The following PTPN11 variants were observed in gnomAD, a reference collection of about 807,000 sequenced individuals.
The protein encoded by PTPN11 is protein tyrosine phosphatase non-receptor type 11.
PTPN11 carries 6 observed loss-of-function variants against 78.8 expected under a neutral mutation model. The observed-to-expected ratio is 0.08, with a 90% confidence interval of 0.04 to 0.15. The LOEUF (loss-of-function observed/expected upper bound fraction) is 0.15. Among genes scored for constraint, PTPN11 ranks in the 10% least tolerant of loss-of-function variants. The pLI, the probability that PTPN11 is intolerant of heterozygous loss-of-function variation, is 1.00. For synonymous variants in PTPN11, 221 were observed against 263.5 expected, an observed-to-expected ratio of 0.84 and a Z score of 1.56; for missense variants, 386 against 744.8, an observed-to-expected ratio of 0.52 and a Z score of 5.61.
intron 13 of PTPN11, among the ~76,000 whole-genome samples, chr12:112,489,433 G>A (rs1487941875): frequency 6.6e-6 from 1 of 152,236 alleles, no homozygotes; most frequent in African/African-American, 2.4e-5. Flanking sequence ...CTGCCATGCA[G>A]AAAGGTTCTG....
Position 112,446,388 on chromosome 12 carries a change from C to G in PTPN11, c.127C>G (p.Leu43Val), listed in dbSNP as rs1566164987. The change falls in exon 2 of 16, where the codon CTT becomes GTT. Residue 43 changes from leucine to valine, a missense_variant. This residue lies in a region of PTPN11 where 279 missense variants were observed against 503.3 expected (regional missense o/e 0.55). Coordinates refer to ENST00000351677, the MANE Select transcript of PTPN11 (RefSeq NM_002834.5). ...TAAAAGTAACCCTGGAGACTTCACA[C>G]TTTCCGTTAGGTAAGTTGGAATGAA... is the stretch of plus-strand genomic sequence containing the variant. ...PSKSNPGDFT[L>V]SVRRNGAVTH... 1.9e-6 allele frequency: 3 copies of G among 1,614,122 alleles called. No homozygotes were observed. The highest frequency in any genetic ancestry group is 2.7e-5 in the African/African-American group (2 of 75,044).
chr12:112,492,444 G>T (rs1257124793), intron 13 of PTPN11, among the ~76,000 whole-genome samples: 1 of 151,798 alleles, frequency 6.6e-6, no homozygotes, highest in African/African-American at 2.4e-5. Context: ...TGTCCATAAA[G>T]TTATTATTTT....
rs1024227490 is a variant in PTPN11, at chr12:112,502,213, C to A, written c.1669C>A (p.Gln557Lys). ...YSLADQTSGD[Q>K]SPLPPCTPTP... ...TCTAGCGGACCAGACGAGTGGAGAT[C>A]AGAGCCCTCTCCCGCCTTGTACTCC... The change falls in exon 14 of 16, where the codon CAG becomes AAG. Residue 557 changes from glutamine to lysine, a missense_variant. Gln to Lys is a moderately conservative substitution (Grantham distance 53). Around this residue, in one of 3 missense-constraint regions of PTPN11, gnomAD observed 44 missense variants for 59.3 expected, o/e 0.74. Coordinates refer to ENST00000351677, the MANE Select transcript of PTPN11 (RefSeq NM_002834.5). 3.7e-6 allele frequency: 6 copies of A among 1,613,888 alleles called. No homozygotes were observed. The highest frequency in any genetic ancestry group is 4.2e-6 in the Non-Finnish European group (5 of 1,179,822).
intron 13 of PTPN11, among the ~76,000 whole-genome samples, chr12:112,490,138 T>C (rs944760134): frequency 2.6e-5 from 4 of 152,196 alleles, no homozygotes; most frequent in African/African-American, 9.7e-5. Flanking sequence ...TTGTATTAAC[T>C]GATATGAAAT....
At chr12:112,464,536 C>A (rs1185590169) in intron 6 of PTPN11, among the ~76,000 whole-genome samples, 1 of 151,978 alleles carries the variant, frequency 6.6e-6, no homozygotes, top group Non-Finnish European at 1.5e-5. Context: ...GGTTCTTGTG[C>A]CTCAGCCACC....
At chr12:112,431,663 C>T (rs1409646016) in intron 1 of PTPN11, among the ~76,000 whole-genome samples, 3 of 152,080 alleles carry the variant, frequency 2.0e-5, no homozygotes, top group Non-Finnish European at 2.9e-5. Context: ...GGGGCCATGC[C>T]GTACAGGGTC....
At chr12:112,421,989 AAAGCAGTAAGAT>A (rs1407387197) in intron 1 of PTPN11, among the ~76,000 whole-genome samples, 1 of 152,338 alleles carries the variant, frequency 6.6e-6, no homozygotes, top group African/African-American at 2.4e-5. Flanking sequence ...CAGGCAGGAT[AAAGCAGTAAGAT>A]AGGAAAATAT....
At chr12:112,480,457 C>T (rs1288902622) in intron 9 of PTPN11, among the ~76,000 whole-genome samples, 1 of 151,116 alleles carries the variant, frequency 6.6e-6, no homozygotes, top group Non-Finnish European at 1.5e-5. Context: ...GGCTCCGCCT[C>T]CCGGATTCAA....
rs1555266896 is a variant in PTPN11 at position 112,442,861 on chromosome 12, T to TATATATAAATTATATATACAC, written c.15-3408_15-3407insAATTATATATACACATATATA. Among the ~76,000 whole-genome samples, 152 of 79,638 alleles carry TATATATAAATTATATATACAC rather than the reference T, an allele frequency of 1.9e-3. 3 individuals are homozygous for TATATATAAATTATATATACAC. Among genetic ancestry groups the TATATATAAATTATATATACAC allele is most frequent in the African/African-American group, 8.5e-3 (145 of 17,124 alleles). The allele number at this position is 79,638 out of a possible 152,430, so 52.2% of individuals were successfully genotyped here. On this transcript the variant is annotated intron_variant, in intron 1 of 15. Transcript: ENST00000351677. ...ATATATATATATATATATATATATATATATATATATATATATAAATTATAT... is the reference window on the plus strand; with the variant it reads ...ATATATATATATATATATATATATATATATATAAATTATATATACACATATATATATATATATAAATTATAT...
intron 10 of PTPN11, among the ~76,000 whole-genome samples, chr12:112,483,561 T>C (rs1287929025): frequency 6.6e-6 from 1 of 152,200 alleles, no homozygotes; most frequent in African/African-American, 2.4e-5. Context: ...TTGTGGGGGT[T>C]TGTCCTAAGT....
chr12:112,500,921 G>A (rs776969182), intron 13 of PTPN11, among the ~76,000 whole-genome samples: 1 of 151,608 alleles, frequency 6.6e-6, no homozygotes, highest in Non-Finnish European at 1.5e-5. Flanking sequence ...GATGGGTCTC[G>A]CTTTTTAGAG....
At chr12:112,466,789 T>C (rs1424105330) in intron 6 of PTPN11, among the ~76,000 whole-genome samples, 1 of 152,222 alleles carries the variant, frequency 6.6e-6, no homozygotes, top group Admixed American at 6.5e-5. Context: ...ATTATTTTTC[T>C]TCCCTAGGTA....
intron 1 of PTPN11, among the ~76,000 whole-genome samples, chr12:112,444,560 G>A (rs1308738555): frequency 1.3e-5 from 2 of 151,896 alleles, no homozygotes; most frequent in Non-Finnish European, 2.9e-5. Flanking sequence ...GGCTGCTCCC[G>A]AACTCCCGAC....
intron 14 of PTPN11, 57 bp downstream of exon 14, chr12:112,502,313 AAAAAAC>A (rs1425755477): frequency 9.1e-6 from 13 of 1,424,454 alleles, no homozygotes; most frequent in Admixed American, 1.7e-5. Flanking sequence ...AAAAAGGTTT[AAAAAAC>A]AAAAACAAAA....
At chr12:112,486,419 T>A in intron 10 of PTPN11, 56 bp from the exon 11 acceptor site, 1 of 1,526,828 alleles carries the variant, frequency 6.5e-7, no homozygotes, top group Non-Finnish European at 9.1e-7. Flanking sequence ...ACCGGGTGAT[T>A]CCTCAACCTC....
At chr12:112,460,684 A>G (rs537678962) in intron 6 of PTPN11, among the ~76,000 whole-genome samples, 1 of 152,236 alleles carries the variant, frequency 6.6e-6, no homozygotes, top group South Asian at 2.1e-4. Context: ...TCTACTAAAA[A>G]TACAAAAATT....
At position 112,454,699 on chromosome 12, in the gene PTPN11, T is replaced by C. The variant is rs772465708; in HGVS notation, c.642+19T>C. 7 of 1,564,192 alleles carry C rather than the reference T, an allele frequency of 4.5e-6. No homozygotes were observed. In the East Asian group the frequency reaches 1.3e-4, roughly 30 times the overall value. ...CAAGCAGGTGAGCAGATTGGAAAGC[T>C]CAAGCTTTCTCCTTAAAAACTTAAA... On this transcript the variant is annotated intron_variant, in intron 5 of 15. Transcript: ENST00000351677.
chr12:112,460,658 A>G (rs1228513058), intron 6 of PTPN11, among the ~76,000 whole-genome samples: 4 of 152,046 alleles, frequency 2.6e-5, no homozygotes, highest in Non-Finnish European at 2.9e-5. Flanking sequence ...CCTGGCCAAC[A>G]TGGTGAAACC....
chr12:112,475,135 G>A (rs530626014), intron 7 of PTPN11, among the ~76,000 whole-genome samples: 5 of 152,264 alleles, frequency 3.3e-5, no homozygotes, highest in South Asian at 2.1e-4. Flanking sequence ...CAGGAAGGAA[G>A]CATTCGTAGT....
Sources: allele counts gnomAD v4.1 joint callset (sites outside exome capture counted in the v4.1 genomes callset), GRCh38; gene constraint gnomAD v4.1.1; regional missense constraint gnomAD v4.1.1; transcripts MANE v1.5; gene names NCBI Gene and HGNC (gene_info 2026-07-23, HGNC 2026-07-21).